VAV2: variants seen among roughly 807,000 people sequenced by gnomAD.
VAV2 encodes vav guanine nucleotide exchange factor 2.
In VAV2, 67 loss-of-function variants were observed where a neutral mutation model predicts 132.5. That is an observed-to-expected ratio of 0.51 (90% CI 0.42 to 0.62). The LOEUF is 0.62. VAV2 is among the 20% of genes least tolerant of loss of function. The pLI is 0.00. For synonymous variants in VAV2, 492 were observed against 443.5 expected (o/e 1.11, Z -1.37); for missense variants, 938 against 1,153.6 (o/e 0.81, Z 2.71).
rs1837433070 is a variant in VAV2, at chr9:133,857,586, T to C, written c.380+3788A>G. Among the ~76,000 whole-genome samples the C allele has an allele frequency of 6.6e-6, 1 of 152,188 alleles. No individual in the cohort carries two copies. Among genetic ancestry groups the C allele is most frequent in the African/African-American group, 2.4e-5 (1 of 41,448 alleles). On this transcript the variant is annotated intron_variant, in intron 3 of 29. Transcript: ENST00000371850. This position sits in a 1 kb window ranked among gnomAD's most constrained non-coding sequence, Gnocchi z 4.0. ...AAGGGTTGTGTTAAACTAGAACCTTTTGCTAATCACTAACACTACAAAACG... is the reference window on the plus strand; with the variant it reads ...AAGGGTTGTGTTAAACTAGAACCTTCTGCTAATCACTAACACTACAAAACG...
At chr9:133,855,330 A>G (rs1317355682) in intron 3 of VAV2, among the ~76,000 whole-genome samples, 1 of 152,246 alleles carries the variant, frequency 6.6e-6, no homozygotes, top group Non-Finnish European at 1.5e-5. Context: ...GAGATGTCTC[A>G]CATGAGAGGT....
chr9:133,777,957 G>A (rs561621158), intron 22 of VAV2, among the ~76,000 whole-genome samples: 2 of 152,278 alleles, frequency 1.3e-5, no homozygotes, highest in South Asian at 4.1e-4. Context: ...GCTGGGCTAA[G>A]TGCCCTCGAG....
At chr9:133,960,905 T>C (rs1841945332) in intron 1 of VAV2, among the ~76,000 whole-genome samples, 1 of 152,122 alleles carries the variant, frequency 6.6e-6, no homozygotes, top group African/African-American at 2.4e-5. Context: ...GAGGCCGTCA[T>C]GGGAAGGGTG....
intron 1 of VAV2, among the ~76,000 whole-genome samples, chr9:133,949,453 T>C (rs530120349): frequency 3.1e-4 from 47 of 152,210 alleles, no homozygotes; most frequent in Non-Finnish European, 6.6e-4. Context: ...TTGACTGTGC[T>C]GTTCCAGTGG....
intron 1 of VAV2, among the ~76,000 whole-genome samples, chr9:133,950,042 G>A (rs7872213): frequency 0.011 from 1,604 of 152,248 alleles, 27 homozygotes; most frequent in African/African-American, 0.037. Context: ...GCTCCCACCC[G>A]CTGCCAGGGT....
intron 3 of VAV2, among the ~76,000 whole-genome samples, chr9:133,835,540 C>T (rs1836436825): frequency 6.6e-6 from 1 of 152,214 alleles, no homozygotes; most frequent in African/African-American, 2.4e-5. Context: ...CTTAATTAAA[C>T]CAAACAGCCC....
chr9:133,881,976 G>A (rs1261887588), intron 2 of VAV2, among the ~76,000 whole-genome samples: 1 of 152,148 alleles, frequency 6.6e-6, no homozygotes, highest in African/African-American at 2.4e-5. Context: ...CGAGTGTGCG[G>A]GGCTACAAAG....
At chr9:133,798,349 T>C (rs1185691346) in intron 9 of VAV2, among the ~76,000 whole-genome samples, 1 of 152,138 alleles carries the variant, frequency 6.6e-6, no homozygotes, top group African/African-American at 2.4e-5. Flanking sequence ...CAGCCCCGTC[T>C]TCAGGGATGC....
chr9:133,869,597 G>A (rs1221426477), intron 2 of VAV2, among the ~76,000 whole-genome samples: 1 of 152,146 alleles, frequency 6.6e-6, no homozygotes, highest in Non-Finnish European at 1.5e-5. Context: ...GCGACACAGT[G>A]AAACCCTATC....
intron 2 of VAV2, among the ~76,000 whole-genome samples, chr9:133,933,768 G>A (rs1319568498): frequency 2.0e-5 from 3 of 150,890 alleles, no homozygotes; most frequent in Non-Finnish European, 4.4e-5. Context: ...ATGGATGGGT[G>A]GATGGGTGGA....
In VAV2 at chr9:133,783,440, T is replaced by A. The variant is rs1834083622; in HGVS notation, c.1723+63A>T. On this transcript the variant is annotated intron_variant, in intron 19 of 29. Transcript: ENST00000371850. The stretch of plus-strand genomic sequence containing the variant: ...GTGCCCGAGGCCCGTACCCAGGTGG[T>A]AGGGGGCAGAAGTGAGCAGGCGTGG... 3.3e-6 allele frequency: 5 copies of A among 1,492,718 alleles called. No homozygotes were observed. In the African/African-American group the frequency reaches 4.8e-5, roughly 14 times the overall value. The allele number at this position is 1,492,718 out of a possible 1,614,324, so 92.5% of individuals were successfully genotyped here.
At chr9:133,861,152 C>G (rs1018564347) in intron 3 of VAV2, 3 of 482,070 alleles carry the variant, frequency 6.2e-6, no homozygotes, top group Non-Finnish European at 1.1e-5. Flanking sequence ...TTGCAGCCGT[C>G]AGTAACATGC....
At chr9:133,893,139 G>A (rs977258756) in intron 2 of VAV2, among the ~76,000 whole-genome samples, 11 of 152,200 alleles carry the variant, frequency 7.2e-5, no homozygotes, top group East Asian at 5.8e-4. Context: ...TTACCAGACA[G>A]CCTGAGTCCC....
chr9:133,829,888 C>T (rs1319816765), intron 4 of VAV2, among the ~76,000 whole-genome samples: 3 of 152,214 alleles, frequency 2.0e-5, no homozygotes, highest in African/African-American at 4.8e-5. Flanking sequence ...AACTGTCCTT[C>T]GGCTTCCACA....
chr9:133,768,991 G>A lies in VAV2; in HGVS notation c.2435-395C>T, dbSNP rs1004311340. 8.5e-5 allele frequency among the ~76,000 whole-genome samples: 13 copies of A among 152,210 alleles called. No individual in the cohort carries two copies. Among genetic ancestry groups the A allele is most frequent in the Admixed American group, 5.9e-4 (9 of 15,288 alleles). Reference sequence around the variant, plus strand: ...TGAGGGCGAAACACACACAGCTGCTGGGAAGGGACTTTGACTCTGGCAGCC... The same window carrying A: ...TGAGGGCGAAACACACACAGCTGCTAGGAAGGGACTTTGACTCTGGCAGCC... On this transcript the variant is annotated intron_variant, in intron 28 of 29. Coordinates refer to ENST00000371850, the MANE Select transcript of VAV2 (RefSeq NM_001134398.2). This position sits in a 1 kb window ranked among gnomAD's most constrained non-coding sequence, Gnocchi z 5.3.
intron 1 of VAV2, among the ~76,000 whole-genome samples, chr9:133,975,111 AGAATGAAGG>A (rs1174452775): frequency 7.9e-5 from 12 of 152,332 alleles, no homozygotes; most frequent in African/African-American, 2.6e-4. Flanking sequence ...GCCGTTTCAC[AGAATGAAGG>A]GAATGAAGGC....
intron 2 of VAV2, among the ~76,000 whole-genome samples, chr9:133,894,787 A>G (rs1027745728): frequency 1.3e-5 from 2 of 152,178 alleles, no homozygotes; most frequent in Non-Finnish European, 2.9e-5. Flanking sequence ...AAAGAAGTCC[A>G]GACTTGGGGC....
intron 2 of VAV2, among the ~76,000 whole-genome samples, chr9:133,894,382 G>A (rs1839111623): frequency 6.6e-6 from 1 of 152,204 alleles, no homozygotes. Context: ...AGGCGGCTGG[G>A]TGCATCCATC....
At chr9:133,939,896 T>C (rs1234540791) in intron 1 of VAV2, among the ~76,000 whole-genome samples, 1 of 152,174 alleles carries the variant, frequency 6.6e-6, no homozygotes, top group Non-Finnish European at 1.5e-5. Flanking sequence ...CCCAAATCAA[T>C]GCATGGGTCA....
Sources: allele counts gnomAD v4.1 joint callset (sites outside exome capture counted in the v4.1 genomes callset), GRCh38; gene constraint gnomAD v4.1.1; non-coding constraint Gnocchi (gnomAD v3.1); transcripts MANE v1.5; gene names NCBI Gene and HGNC (gene_info 2026-07-23, HGNC 2026-07-21).